Variants in CCDC66 observed in about 807,000 individuals in gnomAD.
CCDC66 encodes the protein coiled-coil domain-containing protein 66.
CCDC66 carries 133 observed loss-of-function variants against 128.3 expected under a neutral mutation model. The observed-to-expected ratio is 1.04, with a 90% CI of 0.90 to 1.20. CCDC66 has a LOEUF of 1.20. Ranked by LOEUF, CCDC66 falls within the 50% of genes most tolerant of loss-of-function variation. The probability of loss-of-function intolerance (pLI) is 0.00; values close to 1 mark genes in which losing one functional copy is unlikely to be tolerated. For synonymous variants in CCDC66, 387 were observed against 357.0 expected (o/e 1.08, Z -0.95); for missense variants, 1,126 against 1,075.5 (o/e 1.05, Z -0.66).
chr3:56,617,895 C>T, intron 14 of CCDC66: 1 of 570,840 alleles, frequency 1.8e-6, no homozygotes, highest in South Asian at 2.3e-5. Context: ...TTATCGAGTC[C>T]TTTACACTTA....
chr3:56,562,940 C>G (rs953050720), intron 3 of CCDC66, among the ~76,000 whole-genome samples: 3 of 151,900 alleles, frequency 2.0e-5, no homozygotes, highest in Admixed American at 2.0e-4. Context: ...AGCCATTGCA[C>G]CCTGGCCCAC....
intron 7 of CCDC66, among the ~76,000 whole-genome samples, chr3:56,576,986 G>A (rs1399689620): frequency 6.6e-6 from 1 of 151,838 alleles, no homozygotes; most frequent in East Asian, 2.0e-4. Flanking sequence ...GATCCTTGAG[G>A]AATTGCCACA....
chr3:56,619,475 T>G lies in CCDC66; in HGVS notation c.2583T>G (p.Asp861Glu), dbSNP rs1435575077. ...RTNEIYYLDP[D>E]APLSGPSTQD... is the part of the protein sequence containing the mutation. ...ATGAGATCTATTACCTTGATCCCGA[T>G]GCACCATTGTCTGGGCCTTCAACCC... Residue 861 changes from aspartate to glutamate, a missense_variant, in exon 16 of 18, where the codon GAT (aspartate) becomes GAG (glutamate). By Grantham distance (45) the Asp-to-Glu change is conservative. Coordinates refer to ENST00000394672, the MANE Select transcript of CCDC66 (RefSeq NM_001141947.3). The G allele has an allele frequency of 6.2e-7, 1 of 1,613,984 alleles. No individual in the cohort carries two copies. Among genetic ancestry groups the G allele is most frequent in the African/African-American group, 1.3e-5 (1 of 74,930 alleles).
chr3:56,616,073 G>C lies in CCDC66; in HGVS notation c.1843+20G>C. The stretch of plus-strand genomic sequence containing the variant: ...AAACAGGTATTTGTGTGGAAATTGT[G>C]GTTTGGTTTAAAATTTACTTAAAGT... On this transcript the variant is annotated intron_variant, in intron 13 of 17. Coordinates refer to ENST00000394672, the MANE Select transcript of CCDC66 (RefSeq NM_001141947.3). The C allele has an allele frequency of 6.4e-7, 1 of 1,567,028 alleles. No homozygotes were observed. Among genetic ancestry groups the C allele is most frequent in the Non-Finnish European group, 8.6e-7 (1 of 1,160,964 alleles).
chr3:56,573,699 G>A (rs973197589), intron 7 of CCDC66, among the ~76,000 whole-genome samples: 1 of 151,918 alleles, frequency 6.6e-6, no homozygotes, highest in Non-Finnish European at 1.5e-5. Flanking sequence ...GACATCTTCT[G>A]AAGGGCTGGT....
chr3:56,560,575 A>G (rs1041279337), intron 3 of CCDC66, among the ~76,000 whole-genome samples: 4 of 152,182 alleles, frequency 2.6e-5, no homozygotes, highest in Non-Finnish European at 4.4e-5. Flanking sequence ...TATGAAAAAT[A>G]CAAAAATTAG....
At chr3:56,584,341 G>A (rs566158384) in intron 7 of CCDC66, among the ~76,000 whole-genome samples, 25 of 144,966 alleles carry the variant, frequency 1.7e-4, no homozygotes, top group Admixed American at 2.8e-4. Context: ...CAGACGGGGC[G>A]GCTGCCGGGT....
At chr3:56,599,877 TG>T (rs2072833509) in intron 10 of CCDC66, among the ~76,000 whole-genome samples, 2 of 152,146 alleles carry the variant, frequency 1.3e-5, no homozygotes, top group African/African-American at 4.8e-5. Context: ...TGAGATGTTC[TG>T]TGTCCATGTG....
At chr3:56,593,415 A>G in intron 8 of CCDC66, 76 bp from the exon 9 acceptor site, 1 of 1,515,214 alleles carries the variant, frequency 6.6e-7, no homozygotes, top group Non-Finnish European at 9.0e-7. Context: ...TTTAGAAATC[A>G]TCTTTGGTTG....
intron 6 of CCDC66, 39 bp from the exon 7 acceptor site, chr3:56,571,142 A>G: frequency 7.1e-7 from 1 of 1,413,062 alleles, no homozygotes; most frequent in Non-Finnish European, 9.6e-7. Context: ...CTGTTTTTAC[A>G]GTTTTTGTAC....
chr3:56,567,196 C>G (rs2065970626), intron 6 of CCDC66, 143 bp downstream of exon 6: 2 of 574,440 alleles, frequency 3.5e-6, no homozygotes, highest in Non-Finnish European at 6.2e-6. Flanking sequence ...TCAAGACCAT[C>G]CTGGCCAACA....
At chr3:56,577,500 C>G (rs2067585259) in intron 7 of CCDC66, among the ~76,000 whole-genome samples, 1 of 151,598 alleles carries the variant, frequency 6.6e-6, no homozygotes, top group Non-Finnish European at 1.5e-5. Context: ...CCATGATGTC[C>G]TGAATGATAT....
chr3:56,568,249 A>G (rs2066152517), intron 6 of CCDC66, among the ~76,000 whole-genome samples: 1 of 152,162 alleles, frequency 6.6e-6, no homozygotes, highest in Admixed American at 6.5e-5. Context: ...AATGTGTCAA[A>G]TTAATACATT....
intron 7 of CCDC66, among the ~76,000 whole-genome samples, chr3:56,574,034 AAG>A (rs1433290427): frequency 1.3e-5 from 2 of 151,808 alleles, no homozygotes; most frequent in Non-Finnish European, 2.9e-5. Context: ...CAAGAGTTAA[AAG>A]AGTATGATTA....
chr3:56,585,405 G>C lies in CCDC66; in HGVS notation c.937-7565G>C, dbSNP rs1035442042. Among the ~76,000 whole-genome samples the C allele has an allele frequency of 4.6e-5, 7 of 151,730 alleles. No individual in the cohort carries two copies. In the East Asian group the frequency reaches 1.4e-3, roughly 30 times the overall value. On this transcript the variant is annotated intron_variant, in intron 7 of 17. Transcript: ENST00000394672. The stretch of plus-strand genomic sequence containing the variant: ...GAATATAGGAAGAAGTTTCAAAAGA[G>C]ATGAAAAATCTGGCATCAAAGATAT...
chr3:56,566,908 A>G, intron 5 of CCDC66, 42 bp from the exon 6 acceptor site: 1 of 1,551,010 alleles, frequency 6.4e-7, no homozygotes, highest in Non-Finnish European at 8.9e-7. Flanking sequence ...TTGTGTAGAA[A>G]TGTATGATAC....
intron 10 of CCDC66, among the ~76,000 whole-genome samples, chr3:56,597,873 C>T (rs1191751944): frequency 1.3e-5 from 2 of 148,932 alleles, no homozygotes; most frequent in African/African-American, 5.0e-5. Flanking sequence ...CTCACAGGTT[C>T]AAGCGATTCT....
intron 3 of CCDC66, among the ~76,000 whole-genome samples, chr3:56,559,800 A>G (rs535048785): frequency 1.3e-5 from 2 of 152,336 alleles, no homozygotes; most frequent in African/African-American, 4.8e-5. Context: ...CTCTTTCTCT[A>G]GATAAGTGCT....
At chr3:56,616,213 A>G in intron 13 of CCDC66, 160 bp downstream of exon 13, 1 of 568,876 alleles carries the variant, frequency 1.8e-6, no homozygotes, top group East Asian at 4.1e-5. Context: ...GAAACATGTC[A>G]TGTACCACAA....
Sources: gnomAD v4.1 joint callset for allele counts (sites outside exome capture counted in the v4.1 genomes callset) on GRCh38, gnomAD v4.1.1 for gene constraint, MANE v1.5 for transcripts, NCBI Gene and HGNC (gene_info 2026-07-23, HGNC 2026-07-21) for gene names.